CLDN10: variants seen among roughly 807,000 people sequenced by gnomAD.
CLDN10 encodes claudin-10.
A neutral mutation model predicts 22.9 loss-of-function variants in CLDN10; 15 were observed. The ratio of observed to expected loss-of-function variants is 0.65; its 90% CI spans 0.44 to 1.01. The LOEUF (loss-of-function observed/expected upper bound fraction) is 1.01, where lower values mean the gene tolerates loss of function less well. Among genes scored for constraint, CLDN10 ranks in the 50% least tolerant of loss-of-function variants. The pLI, the probability that CLDN10 is intolerant of heterozygous loss-of-function variation, is 0.00. For missense variants in CLDN10, 247 were observed against 287.8 expected, an observed-to-expected ratio of 0.86 and a Z score of 1.03; for synonymous variants, 114 against 111.4, an observed-to-expected ratio of 1.02 and a Z score of -0.15.
intron 1 of CLDN10, among the ~76,000 whole-genome samples, chr13:95,515,079 C>T (rs1248775932): frequency 1.3e-5 from 2 of 152,220 alleles, no homozygotes; most frequent in African/African-American, 2.4e-5. Flanking sequence ...GATCATAGCA[C>T]ACTATAGCCT....
chr13:95,517,014 C>G (rs904296737), intron 1 of CLDN10, among the ~76,000 whole-genome samples: 31 of 142,256 alleles, frequency 2.2e-4, no homozygotes, highest in African/African-American at 7.3e-4. Flanking sequence ...TTCCTTCCTT[C>G]CTTCCTTCCT....
intron 1 of CLDN10, among the ~76,000 whole-genome samples, chr13:95,509,440 G>A (rs1277992454): frequency 6.6e-6 from 1 of 152,146 alleles, no homozygotes; most frequent in Non-Finnish European, 1.5e-5. Context: ...TGAGCATAAT[G>A]AGATCACCCC....
intron 1 of CLDN10, among the ~76,000 whole-genome samples, chr13:95,468,919 G>C (rs761893032): frequency 1.3e-5 from 2 of 151,926 alleles, no homozygotes; most frequent in African/African-American, 2.4e-5. Context: ...TCTTTGATTT[G>C]ATATTTATAT....
chr13:95,481,338 A>G (rs537793906), intron 1 of CLDN10, among the ~76,000 whole-genome samples: 2 of 152,336 alleles, frequency 1.3e-5, no homozygotes, highest in African/African-American at 4.8e-5. Context: ...GAACCCTCTA[A>G]GCTGACATTT....
At chr13:95,460,752 A>G (rs1263460918) in intron 1 of CLDN10, among the ~76,000 whole-genome samples, 1 of 152,120 alleles carries the variant, frequency 6.6e-6, no homozygotes, top group Admixed American at 6.5e-5. Flanking sequence ...CAATCCTCCC[A>G]CCTGAGCCTC....
chr13:95,473,649 C>T (rs1204816713), intron 1 of CLDN10, among the ~76,000 whole-genome samples: 2 of 152,336 alleles, frequency 1.3e-5, no homozygotes, highest in East Asian at 3.9e-4. Context: ...AGAAGGGCTA[C>T]GGGAACCGAG....
At chr13:95,466,036 T>C (rs1016669696) in intron 1 of CLDN10, among the ~76,000 whole-genome samples, 1 of 151,870 alleles carries the variant, frequency 6.6e-6, no homozygotes, top group African/African-American at 2.4e-5. Context: ...TTTATGTTTA[T>C]TTATTTATTT....
At chr13:95,530,899 A>G (rs2043335389) in intron 1 of CLDN10, among the ~76,000 whole-genome samples, 5 of 150,752 alleles carry the variant, frequency 3.3e-5, no homozygotes, top group African/African-American at 1.2e-4. Flanking sequence ...ACCATATTAG[A>G]CTCCAATGAG....
At chr13:95,510,440 G>T (rs1274182188) in intron 1 of CLDN10, among the ~76,000 whole-genome samples, 1 of 152,084 alleles carries the variant, frequency 6.6e-6, no homozygotes, top group Non-Finnish European at 1.5e-5. Context: ...TTTGCACAAG[G>T]ACTCTAGTTC....
intron 1 of CLDN10, among the ~76,000 whole-genome samples, chr13:95,530,339 C>T (rs890989508): frequency 4.6e-5 from 7 of 152,150 alleles, no homozygotes; most frequent in Non-Finnish European, 1.0e-4. Flanking sequence ...TAAACCACAA[C>T]ATTTGTGAGT....
intron 1 of CLDN10, among the ~76,000 whole-genome samples, chr13:95,464,250 G>C (rs867109685): frequency 6.6e-6 from 1 of 151,388 alleles, no homozygotes; most frequent in Non-Finnish European, 1.5e-5. Context: ...TATCCCTCCC[G>C]CCTTCCCCCA....
At chr13:95,434,142 G>A (rs974228057) in intron 1 of CLDN10, 2 of 1,087,592 alleles carry the variant, frequency 1.8e-6, no homozygotes, top group Non-Finnish European at 2.8e-6. Context: ...TTAACTCTCT[G>A]AAGACTGAGT....
chr13:95,527,335 C>G lies in CLDN10; in HGVS notation c.215-32797C>G, dbSNP rs761355188. ...AATTTTTAAGAAATTCATTTACTGT[C>G]TTTTTAATAAAATTTCATGAGGAAA... On this transcript the variant is annotated intron_variant, in intron 1 of 4. Transcript: ENST00000376873. 5.8e-4 allele frequency among the ~76,000 whole-genome samples: 89 copies of G among 152,252 alleles called. 1 individual carries two copies. Among genetic ancestry groups the G allele is most frequent in the Non-Finnish European group, 8.5e-4 (58 of 68,016 alleles).
chr13:95,564,040 A>G (rs1419864670), intron 3 of CLDN10, among the ~76,000 whole-genome samples: 1 of 152,226 alleles, frequency 6.6e-6, no homozygotes, highest in Non-Finnish European at 1.5e-5. Context: ...TTGTTTGTAC[A>G]TGAACTTAGA....
intron 1 of CLDN10, among the ~76,000 whole-genome samples, chr13:95,461,715 A>T (rs1336100973): frequency 1.3e-5 from 2 of 152,208 alleles, no homozygotes; most frequent in Non-Finnish European, 2.9e-5. Flanking sequence ...TGCTTTATAA[A>T]TCAAAGCTAC....
intron 1 of CLDN10, among the ~76,000 whole-genome samples, chr13:95,513,532 C>T (rs978234476): frequency 6.9e-6 from 1 of 145,264 alleles, no homozygotes; most frequent in African/African-American, 2.4e-5. Context: ...GCTCAACATC[C>T]TCTCTCCTTC....
chr13:95,435,254 T>TA (rs1192438902), intron 1 of CLDN10, among the ~76,000 whole-genome samples: 1 of 152,230 alleles, frequency 6.6e-6, no homozygotes, highest in Non-Finnish European at 1.5e-5. Flanking sequence ...TTTATTACTT[T>TA]AAAAATTGCT....
chr13:95,547,991 G>T (rs970917999), upstream of CLDN10, among the ~76,000 whole-genome samples: 1 of 152,202 alleles, frequency 6.6e-6, no homozygotes, highest in African/African-American at 2.4e-5. Context: ...AGGAATCCTA[G>T]ACTCAGGGGT....
intron 1 of CLDN10, among the ~76,000 whole-genome samples, chr13:95,489,109 C>T (rs2042840953): frequency 6.6e-6 from 1 of 151,764 alleles, no homozygotes; most frequent in Admixed American, 6.6e-5. Flanking sequence ...CACCACCACG[C>T]CAGGCTAGTT....
Sources: allele counts gnomAD v4.1 joint callset (sites outside exome capture counted in the v4.1 genomes callset), GRCh38; gene constraint gnomAD v4.1.1; transcripts MANE v1.5; gene names NCBI Gene and HGNC (gene_info 2026-07-23, HGNC 2026-07-21).